The following SCCPDH variants were observed in gnomAD, a reference collection of about 807,000 sequenced individuals.
The protein encoded by SCCPDH is saccharopine dehydrogenase-like oxidoreductase.
Under a neutral mutation model 51.5 loss-of-function variants are expected in SCCPDH, and 34 were observed. That is an observed-to-expected ratio of 0.66 (90% CI 0.50 to 0.88). The LOEUF (loss-of-function observed/expected upper bound fraction) is 0.88, where lower values mean the gene tolerates loss of function less well. Ranked by LOEUF, SCCPDH falls within the 40% of genes least tolerant of loss-of-function variation. SCCPDH has a pLI of 0.00. For synonymous variants in SCCPDH, 187 were observed against 191.3 expected (o/e 0.98, Z 0.19); for missense variants, 464 against 527.1 (o/e 0.88, Z 1.17).
chr1:246,764,178 C>G, intron 9 of SCCPDH, 68 bp from the exon 10 acceptor site: 2 of 895,700 alleles, frequency 2.2e-6, no homozygotes, highest in Non-Finnish European at 3.7e-6. Flanking sequence ...ATAGAATAGT[C>G]GGTTTTACTA....
chr1:246,732,190 T>A (rs1668502684), intron 2 of SCCPDH, among the ~76,000 whole-genome samples: 1 of 152,178 alleles, frequency 6.6e-6, no homozygotes, highest in Admixed American at 6.5e-5. Context: ...AATAACAATT[T>A]GTTATGTATT....
At chr1:246,745,356 G>A (rs1668742291) in intron 5 of SCCPDH, among the ~76,000 whole-genome samples, 1 of 152,186 alleles carries the variant, frequency 6.6e-6, no homozygotes, top group African/African-American at 2.4e-5. Flanking sequence ...GTATAGTGGT[G>A]CAAATGCATA....
At chr1:246,749,820 G>A (rs1383218951) in intron 5 of SCCPDH, among the ~76,000 whole-genome samples, 1 of 152,168 alleles carries the variant, frequency 6.6e-6, no homozygotes, top group Non-Finnish European at 1.5e-5. Context: ...AGGAGAGCTA[G>A]GAAGGATAAA....
chr1:246,762,908 C>T (rs188972450), intron 9 of SCCPDH, among the ~76,000 whole-genome samples: 25 of 149,954 alleles, frequency 1.7e-4, no homozygotes, highest in Admixed American at 1.6e-3. Context: ...CCTCATCTTG[C>T]TTCTGGACGT....
At chr1:246,757,205 A>G (rs6683460) in intron 5 of SCCPDH, among the ~76,000 whole-genome samples, 148,931 of 152,128 alleles carry the variant, frequency 0.98, 72,978 homozygotes, top group East Asian at 1. Flanking sequence ...TTAGCCAGGC[A>G]TGGTGGTGGG....
At chr1:246,732,133 T>G (rs1305423732) in intron 2 of SCCPDH, among the ~76,000 whole-genome samples, 1 of 152,174 alleles carries the variant, frequency 6.6e-6, no homozygotes, top group Non-Finnish European at 1.5e-5. Context: ...GTGGATATGT[T>G]ATAGGAGTGA....
chr1:246,756,469 G>A (rs1003047567), intron 5 of SCCPDH, among the ~76,000 whole-genome samples: 49 of 152,100 alleles, frequency 3.2e-4, no homozygotes, highest in African/African-American at 1.0e-3. Context: ...TATTAGGTAC[G>A]TCTCTATATT....
chr1:246,731,350 C>T (rs769876117), intron 2 of SCCPDH, among the ~76,000 whole-genome samples: 5 of 152,226 alleles, frequency 3.3e-5, no homozygotes, highest in South Asian at 2.1e-4. Flanking sequence ...TAGGAAAATG[C>T]GTTTTCTTTC....
At chr1:246,759,341 C>G (rs1424969713) in intron 7 of SCCPDH, among the ~76,000 whole-genome samples, 190 bp downstream of exon 7, 1 of 152,204 alleles carries the variant, frequency 6.6e-6, no homozygotes, top group Non-Finnish European at 1.5e-5. Flanking sequence ...TGATTCAGAT[C>G]TGGCTGCTGA....
intron 5 of SCCPDH, among the ~76,000 whole-genome samples, chr1:246,754,923 GTTTCA>G: frequency 6.6e-6 from 1 of 151,766 alleles, no homozygotes; most frequent in East Asian, 1.9e-4. Context: ...TTTCTATTCT[GTTTCA>G]TTTATTTCCA....
intron 1 of SCCPDH, among the ~76,000 whole-genome samples, chr1:246,725,768 C>T (rs773909994): frequency 9.2e-5 from 14 of 152,214 alleles, no homozygotes; most frequent in Non-Finnish European, 1.5e-4. Context: ...AAGATCGTAC[C>T]GGTACAGCCT....
intron 3 of SCCPDH, among the ~76,000 whole-genome samples, chr1:246,739,863 T>A (rs1668652381): frequency 6.6e-6 from 1 of 151,030 alleles, no homozygotes; most frequent in Non-Finnish European, 1.5e-5. Flanking sequence ...TTGGGGTCAT[T>A]TTTTTTTTGC....
chr1:246,750,754 G>T (rs965205419), intron 5 of SCCPDH, among the ~76,000 whole-genome samples: 1 of 152,214 alleles, frequency 6.6e-6, no homozygotes, highest in Admixed American at 6.5e-5. Context: ...AACGAGTAAG[G>T]TGATCTATTA....
At chr1:246,740,093 G>C (rs1668655437) in intron 3 of SCCPDH, 79 bp from the exon 4 acceptor site, 2 of 1,181,590 alleles carry the variant, frequency 1.7e-6, no homozygotes, top group East Asian at 4.9e-5. Flanking sequence ...TGGTTGCTTT[G>C]TTTTTAAAGA....
At chr1:246,725,332 T>C (rs571130157) in intron 1 of SCCPDH, among the ~76,000 whole-genome samples, 1 of 152,122 alleles carries the variant, frequency 6.6e-6, no homozygotes, top group Non-Finnish European at 1.5e-5. Flanking sequence ...TGAAGGAGCA[T>C]ATATTTATTG....
chr1:246,759,969 G>A lies in SCCPDH; in HGVS notation c.826G>A (p.Ala276Thr). The stretch of plus-strand genomic sequence containing the variant: ...CTCCATCATCTAGGTTCAGTATGCT[G>A]CGTATGTAACTGTGGGAGGCATCAC... ...NLEESPVQYA[A>T]YVTVGGITSV... The change falls in exon 8 of 12, where the codon GCG becomes ACG. Residue 276 changes from alanine to threonine, a missense_variant. By Grantham distance (58) the Ala-to-Thr change is moderately conservative. Coordinates refer to ENST00000366510, the MANE Select transcript of SCCPDH (RefSeq NM_016002.3). The A allele has an allele frequency of 6.2e-7, 1 of 1,612,398 alleles. No homozygotes were observed. Among genetic ancestry groups the A allele is most frequent in the Non-Finnish European group, 8.5e-7 (1 of 1,179,520 alleles).
intron 10 of SCCPDH, among the ~76,000 whole-genome samples, chr1:246,765,727 G>A (rs1192915240): frequency 6.6e-6 from 1 of 152,116 alleles, no homozygotes; most frequent in Non-Finnish European, 1.5e-5. Flanking sequence ...GTGGACTCTG[G>A]AACCAGCTGC....
chr1:246,749,500 C>G (rs1202435886), intron 5 of SCCPDH, among the ~76,000 whole-genome samples: 1 of 152,078 alleles, frequency 6.6e-6, no homozygotes, highest in African/African-American at 2.4e-5. Flanking sequence ...TGAGACTTCT[C>G]CTACACCACA....
At chr1:246,744,972 T>C (rs189676537) in intron 5 of SCCPDH, among the ~76,000 whole-genome samples, 22 of 152,354 alleles carry the variant, frequency 1.4e-4, no homozygotes, top group African/African-American at 5.3e-4. Flanking sequence ...TTCATTGTAT[T>C]AGAATGAATT....
Sources: allele counts gnomAD v4.1 joint callset (sites outside exome capture counted in the v4.1 genomes callset), GRCh38; gene constraint gnomAD v4.1.1; transcripts MANE v1.5; gene names NCBI Gene and HGNC (gene_info 2026-07-23, HGNC 2026-07-21).